Variants in ADAMTS9 observed in about 807,000 individuals in gnomAD.
ADAMTS9 encodes the protein ADAM metallopeptidase with thrombospondin type 1 motif 9, also known as A disintegrin and metalloproteinase with thrombospondin motifs 9.
A neutral mutation model predicts 257.1 loss-of-function variants in ADAMTS9; 107 were observed. The ratio of observed to expected loss-of-function variants is 0.42; its 90% CI spans 0.36 to 0.49. The LOEUF (loss-of-function observed/expected upper bound fraction) is 0.49, where lower values mean the gene tolerates loss of function less well. ADAMTS9 is among the 20% of genes least tolerant of loss of function. The pLI, the probability that ADAMTS9 is intolerant of heterozygous loss-of-function variation, is 0.03. For synonymous variants in ADAMTS9, 982 were observed against 880.9 expected (o/e 1.11, Z -2.03); for missense variants, 2,353 against 2,469.1 (o/e 0.95, Z 1.00).
intron 4 of ADAMTS9, among the ~76,000 whole-genome samples, chr3:64,657,450 C>T (rs924389140): frequency 1.3e-5 from 2 of 152,022 alleles, no homozygotes; most frequent in Admixed American, 1.3e-4. Context: ...GATTCTCTCA[C>T]CTCAGCTCCC....
chr3:64,631,001 A>G (rs1700356493), intron 16 of ADAMTS9, among the ~76,000 whole-genome samples: 1 of 152,214 alleles, frequency 6.6e-6, no homozygotes, highest in Non-Finnish European at 1.5e-5. Flanking sequence ...TTTGCAACGA[A>G]CAGGCATAAT....
At chr3:64,649,808 G>A (rs1212562579) in intron 9 of ADAMTS9, 30 bp from the exon 10 acceptor site, 3 of 1,595,644 alleles carry the variant, frequency 1.9e-6, no homozygotes, top group Admixed American at 3.4e-5. Flanking sequence ...CACACAGATG[G>A]TGAGAACGGT....
Position 64,522,107 on chromosome 3 carries a change from T to G in ADAMTS9, c.*5+59A>C, listed in dbSNP as rs184580637. The stretch of plus-strand genomic sequence containing the variant: ...CCTGATCCTCCCACATTTGCTCATA[T>G]AGGCTACAGAAAAAAATAAAAGACA... On this transcript the variant is annotated intron_variant, in intron 39 of 39. Transcript: ENST00000498707. 5.4e-6 allele frequency: 8 copies of G among 1,483,414 alleles called. No homozygotes were observed. In the East Asian group the frequency reaches 1.6e-4, roughly 30 times the overall value. 91.9% of individuals were successfully genotyped at this position (1,483,414 alleles called of 1,614,324 possible).
intron 29 of ADAMTS9, 143 bp from the exon 30 acceptor site, chr3:64,561,894 G>C: frequency 1.4e-6 from 1 of 699,228 alleles, no homozygotes; most frequent in Non-Finnish European, 2.3e-6. Flanking sequence ...AATTTGCAAT[G>C]AAAGGGATCC....
intron 19 of ADAMTS9, among the ~76,000 whole-genome samples, chr3:64,619,170 T>C (rs928308381): frequency 1.3e-5 from 2 of 152,278 alleles, no homozygotes; most frequent in East Asian, 1.9e-4. Context: ...CATAGGAGCA[T>C]ACTTAGCACT....
chr3:64,611,241 C>T (rs1409469486), intron 22 of ADAMTS9, among the ~76,000 whole-genome samples: 1 of 152,024 alleles, frequency 6.6e-6, no homozygotes, highest in Non-Finnish European at 1.5e-5. Context: ...GTAGAAACAA[C>T]CGAAATGGCC....
chr3:64,640,169 C>A (rs1034109842), intron 12 of ADAMTS9, among the ~76,000 whole-genome samples: 1 of 152,098 alleles, frequency 6.6e-6, no homozygotes. Flanking sequence ...TATCTCACAG[C>A]CCTTTAGTTA....
chr3:64,566,471 T>C (rs2083548224), intron 29 of ADAMTS9, among the ~76,000 whole-genome samples: 1 of 152,162 alleles, frequency 6.6e-6, no homozygotes, highest in African/African-American at 2.4e-5. Context: ...TTTGAACAGG[T>C]GCAGTTTATT....
chr3:64,615,932 A>C (rs1347270091), intron 20 of ADAMTS9, 28 bp downstream of exon 20: 1 of 1,611,590 alleles, frequency 6.2e-7, no homozygotes, highest in Non-Finnish European at 8.5e-7. Context: ...AGCATCCAAG[A>C]AGACTCTTTG....
intron 23 of ADAMTS9, 47 bp from the exon 24 acceptor site, chr3:64,604,378 G>A (rs1435684327): frequency 7.4e-7 from 1 of 1,343,294 alleles, no homozygotes; most frequent in African/African-American, 1.5e-5. Flanking sequence ...TCAAGTCAAT[G>A]CACTTTCAAG....
At chr3:64,557,307 G>A (rs528066759) in intron 30 of ADAMTS9, among the ~76,000 whole-genome samples, 8 of 152,292 alleles carry the variant, frequency 5.3e-5, no homozygotes, top group South Asian at 4.1e-4. Flanking sequence ...GGCCCCATAC[G>A]ATCACAATTC....
At chr3:64,597,687 T>C (rs1221841820) in intron 26 of ADAMTS9, among the ~76,000 whole-genome samples, 1 of 152,218 alleles carries the variant, frequency 6.6e-6, no homozygotes, top group Non-Finnish European at 1.5e-5. Flanking sequence ...ACCCTCTCTT[T>C]CATGGTTTGT....
chr3:64,607,633 G>T (rs909134949), intron 22 of ADAMTS9, among the ~76,000 whole-genome samples: 1 of 152,176 alleles, frequency 6.6e-6, no homozygotes, highest in East Asian at 1.9e-4. Flanking sequence ...AAAACAGTAA[G>T]TAGAGGAAGT....
intron 3 of ADAMTS9, among the ~76,000 whole-genome samples, chr3:64,663,474 A>C (rs537205943): frequency 6.8e-6 from 1 of 147,212 alleles, no homozygotes; most frequent in East Asian, 2.0e-4. Flanking sequence ...CAAATGTACT[A>C]TCAGAATCAT....
intron 3 of ADAMTS9, among the ~76,000 whole-genome samples, chr3:64,659,908 C>T (rs1195473422): frequency 3.3e-5 from 5 of 152,052 alleles, no homozygotes; most frequent in African/African-American, 4.8e-5. Context: ...TGGCCCCACC[C>T]CAGGCCTGAA....
At position 64,519,790 on chromosome 3, in the gene ADAMTS9, C is replaced by T. The variant is rs561737096; in HGVS notation, c.*5+2376G>A. 5.7e-4 allele frequency among the ~76,000 whole-genome samples: 86 copies of T among 152,202 alleles called. 1 individual carries two copies. The Middle Eastern group carries it at 0.01, about 18-fold the overall frequency. On this transcript the variant is annotated intron_variant, in intron 39 of 39. Coordinates refer to ENST00000498707, the MANE Select transcript of ADAMTS9 (RefSeq NM_182920.2). ...TACAAGGCATAAGACATCAAAAGAA[C>T]ATACCTCAAAATAAAAGCCATCTCT...
intron 3 of ADAMTS9, 128 bp from the exon 4 acceptor site, chr3:64,658,919 A>T: frequency 1.0e-6 from 1 of 952,522 alleles, no homozygotes. Context: ...TCCTCCATGG[A>T]CTCTACAGAT....
At chr3:64,619,499 T>A (rs1700053126) in intron 19 of ADAMTS9, among the ~76,000 whole-genome samples, 1 of 152,180 alleles carries the variant, frequency 6.6e-6, no homozygotes. Flanking sequence ...TGCAATTTGT[T>A]TAACGACTCT....
At position 64,681,256 on chromosome 3, in the gene ADAMTS9, C is replaced by T; in HGVS notation, c.624G>A (p.Arg208=). ...EEQNKPHIIY[R]RSAPQREPST... ...AGGGCTCTCTCTGGGGGGCGCTGCGCCTATAAATGATGTGGGGTTTGTTTT... is the reference window on the plus strand; with the variant it reads ...AGGGCTCTCTCTGGGGGGCGCTGCGTCTATAAATGATGTGGGGTTTGTTTT... The change falls in exon 3 of 40, where the codon AGG becomes AGA. Residue 208 remains arginine (R), a synonymous_variant. Coordinates refer to ENST00000498707, the MANE Select transcript of ADAMTS9 (RefSeq NM_182920.2). 6.2e-7 allele frequency: 1 copy of T among 1,614,046 alleles called. No homozygotes were observed. Among genetic ancestry groups the T allele is most frequent in the East Asian group, 2.2e-5 (1 of 44,864 alleles).
Sources: allele counts gnomAD v4.1 joint callset (sites outside exome capture counted in the v4.1 genomes callset), GRCh38; gene constraint gnomAD v4.1.1; transcripts MANE v1.5; gene names NCBI Gene and HGNC (gene_info 2026-07-23, HGNC 2026-07-21).